The following TICRR variants were observed in gnomAD, a reference collection of about 807,000 sequenced individuals.
TICRR encodes the protein TOPBP1 interacting checkpoint and replication regulator.
Under a neutral mutation model 178.1 loss-of-function variants are expected in TICRR, and 132 were observed. The ratio of observed to expected loss-of-function variants is 0.74; its 90% CI spans 0.64 to 0.86. The LOEUF (loss-of-function observed/expected upper bound fraction) is 0.86. Among genes scored for constraint, TICRR ranks in the 40% least tolerant of loss-of-function variants. The probability of loss-of-function intolerance (pLI) is 0.00; values close to 1 mark genes in which losing one functional copy is unlikely to be tolerated. For missense variants in TICRR, 2,587 were observed against 2,334.3 expected (o/e 1.11, Z -2.23); for synonymous variants, 991 against 900.7 (o/e 1.10, Z -1.79).
intron 15 of TICRR, among the ~76,000 whole-genome samples, chr15:89,613,346 C>G (rs114395491): frequency 3.9e-4 from 59 of 152,310 alleles, no homozygotes; most frequent in African/African-American, 1.4e-3. Context: ...TGGCTTCTTT[C>G]AAGATCTTCT....
intron 20 of TICRR, 62 bp downstream of exon 20, chr15:89,625,848 G>T: frequency 6.4e-7 from 1 of 1,550,836 alleles, no homozygotes; most frequent in East Asian, 2.3e-5. Flanking sequence ...GCTTGACAAG[G>T]AGGCACTTGG....
chr15:89,599,386 A>G lies in TICRR; in HGVS notation c.1963A>G (p.Thr655Ala). 1.9e-6 allele frequency: 3 copies of G among 1,613,926 alleles called. No individual in the cohort carries two copies. The highest frequency in any genetic ancestry group is 2.5e-6 in the Non-Finnish European group (3 of 1,179,908). The change falls in exon 8 of 22, where the codon ACA (threonine) becomes GCA (alanine). Residue 655 changes from threonine to alanine, a missense_variant. Physicochemically the swap from Thr to Ala is moderately conservative, Grantham distance 58 (BLOSUM62 0). Coordinates refer to ENST00000268138, the MANE Select transcript of TICRR (RefSeq NM_152259.4). ...IRENYQKTVA[T>A]GEIMLYACAR... is the part of the protein sequence containing the mutation. ...TGAAAATTACCAAAAGACTGTGGCC[A>G]CAGGAGAAATCATGTTGTATGCATG...
At chr15:89,593,991 A>G (rs1201795066) in intron 5 of TICRR, among the ~76,000 whole-genome samples, 1 of 152,200 alleles carries the variant, frequency 6.6e-6, no homozygotes, top group African/African-American at 2.4e-5. Flanking sequence ...TCAATCCCAA[A>G]TTAGTTTATT....
In TICRR at chr15:89,582,911, G is replaced by A. The variant is rs773820029; in HGVS notation, c.880G>A (p.Glu294Lys). The A allele has an allele frequency of 6.2e-7, 1 of 1,614,008 alleles. No individual in the cohort carries two copies. The highest frequency in any genetic ancestry group is 1.1e-5 in the South Asian group (1 of 91,084). Residue 294 changes from glutamate to lysine, a missense_variant, in exon 2 of 22, where the codon GAG becomes AAG. Glu to Lys is a moderately conservative substitution (Grantham distance 56). Transcript: ENST00000268138. ...AAACCGTTTGCTCTACAATTCTCCT[G>A]AGTATGAGGCCTCGTTTCCACGAAT... ...TLNRLLYNSPEYEASFPRMEG... is the reference protein window; with the variant it reads ...TLNRLLYNSPKYEASFPRMEG...
At chr15:89,598,824 G>A (rs1374940590) in intron 7 of TICRR, among the ~76,000 whole-genome samples, 2 of 151,970 alleles carry the variant, frequency 1.3e-5, no homozygotes, top group African/African-American at 2.4e-5. Context: ...TGGGCAACAT[G>A]GTGAAACCCT....
chr15:89,608,767 G>C, intron 14 of TICRR, 36 bp from the exon 15 acceptor site: 1 of 1,537,354 alleles, frequency 6.5e-7, no homozygotes, highest in Non-Finnish European at 8.7e-7. Flanking sequence ...ATAATCTTTG[G>C]GTTTTTCTTT....
intron 16 of TICRR, 120 bp from the exon 17 acceptor site, chr15:89,618,032 C>T (rs772930605): frequency 1.8e-4 from 185 of 1,003,170 alleles, no homozygotes; most frequent in Non-Finnish European, 2.8e-4. Context: ...CCTTTACCAG[C>T]ACTGGTGTTA....
rs370198423 is a variant in TICRR, at chr15:89,595,373, C to G, written c.1682-20C>G. On this transcript the variant is annotated intron_variant, in intron 6 of 21. Transcript: ENST00000268138. ...AGTGGAAGGCAATTTACTTTCCCTC[C>G]TCTGATGTTGTTTTGGTAGGAGGGG... is the stretch of plus-strand genomic sequence containing the variant. 5 of 1,589,104 alleles carry G rather than the reference C, an allele frequency of 3.1e-6. No individual in the cohort carries two copies. The African/African-American group carries it at 6.7e-5, about 21-fold the overall frequency.
chr15:89,627,017 C>T lies in TICRR; in HGVS notation c.5664C>T (p.Ser1888=), dbSNP rs1454952854. Residue 1888 remains serine (S), a synonymous_variant, in exon 22 of 22, where the codon TCC becomes TCT. Transcript: ENST00000268138. The part of the protein sequence containing the change: ...VEDSPFSRAF[S]RRRPISRTYT... ...ACTCTCCTTTCAGTCGCGCTTTCTC[C>T]AGGAGGCGCCCCATCAGCAGAACTT... is the stretch of plus-strand genomic sequence containing the variant. 6.2e-7 allele frequency: 1 copy of T among 1,614,110 alleles called. No homozygotes were observed. Among genetic ancestry groups the T allele is most frequent in the South Asian group, 1.1e-5 (1 of 91,076 alleles).
At chr15:89,620,470 A>C (rs1935603916) in intron 18 of TICRR, among the ~76,000 whole-genome samples, 1 of 152,042 alleles carries the variant, frequency 6.6e-6, no homozygotes, top group Non-Finnish European at 1.5e-5. Flanking sequence ...GGCCTCCCAA[A>C]GTGCTGGGAT....
chr15:89,626,431 T>G (rs1201323305), intron 21 of TICRR, among the ~76,000 whole-genome samples: 1 of 152,236 alleles, frequency 6.6e-6, no homozygotes, highest in African/African-American at 2.4e-5. Flanking sequence ...CCGCATGTTC[T>G]GTATATTCGG....
Position 89,625,431 on chromosome 15 carries a change from A to G in TICRR, c.5121A>G (p.Ala1707=), listed in dbSNP as rs781049342. 5 of 1,614,006 alleles carry G rather than the reference A, an allele frequency of 3.1e-6. No homozygotes were observed. The highest frequency in any genetic ancestry group is 4.5e-5 in the East Asian group (2 of 44,834). The part of the protein sequence containing the change: ...GSSSGRGEVG[A]DLPGSLSLLE... ...CTTCCGGGAGGGGCGAGGTCGGTGCAGACCTTCCTGGGAGCCTGTCACTGC... is the reference window on the plus strand; with the variant it reads ...CTTCCGGGAGGGGCGAGGTCGGTGCGGACCTTCCTGGGAGCCTGTCACTGC... The change falls in exon 20 of 22, where the codon GCA becomes GCG. Residue 1707 remains alanine, a synonymous_variant. Coordinates refer to ENST00000268138, the MANE Select transcript of TICRR (RefSeq NM_152259.4).
intron 21 of TICRR, among the ~76,000 whole-genome samples, chr15:89,626,278 C>T (rs925542234): frequency 5.1e-4 from 77 of 152,314 alleles, no homozygotes; most frequent in African/African-American, 1.8e-3. Context: ...TGCTAAAATT[C>T]CTCGGTCCTC....
chr15:89,621,597 C>T (rs1419653488), intron 19 of TICRR, 47 bp downstream of exon 19: 1 of 1,513,120 alleles, frequency 6.6e-7, no homozygotes, highest in South Asian at 1.2e-5. Context: ...TCCTGGAACA[C>T]AGAGACATGG....
intron 19 of TICRR, among the ~76,000 whole-genome samples, chr15:89,621,982 C>CTTTTTTTTTTT (rs34123859): frequency 2.3e-5 from 2 of 87,778 alleles, no homozygotes; most frequent in Non-Finnish European, 4.3e-5. Context: ...CAAACTGACT[C>CTTTTTTTTTTT]TTTTTTTTTT....
chr15:89,589,272 G>C (rs1962871266), intron 4 of TICRR, among the ~76,000 whole-genome samples: 1 of 152,162 alleles, frequency 6.6e-6, no homozygotes, highest in Admixed American at 6.5e-5. Flanking sequence ...ATTGATTCCT[G>C]ATGGTTTCAA....
chr15:89,599,189 T>G, intron 7 of TICRR, 135 bp from the exon 8 acceptor site: 170 of 266,546 alleles, frequency 6.4e-4, no homozygotes, highest in East Asian at 2.9e-3. Flanking sequence ...CCCACCACCA[T>G]CAGTCATGAC....
chr15:89,624,226 G>T lies in TICRR; in HGVS notation c.3916G>T (p.Val1306Phe). ...TTCAACTGTGACTTCTTCCCCACCTGTTACGCCAAAGAAACTGTTTACCTC... is the reference window on the plus strand; with the variant it reads ...TTCAACTGTGACTTCTTCCCCACCTTTTACGCCAAAGAAACTGTTTACCTC... ...GNSTVTSSPPVTPKKLFTSPL... is the reference protein window; with the variant it reads ...GNSTVTSSPPFTPKKLFTSPL... The change falls in exon 20 of 22, where the codon GTT (valine) becomes TTT (phenylalanine). Residue 1306 changes from valine (V) to phenylalanine (F), a missense_variant. By Grantham distance (50) the Val-to-Phe change is conservative. Transcript: ENST00000268138. The T allele has an allele frequency of 6.2e-7, 1 of 1,614,114 alleles. No homozygotes were observed. The highest frequency in any genetic ancestry group is 8.5e-7 in the Non-Finnish European group (1 of 1,180,042).
Position 89,602,886 on chromosome 15 carries a change from GA to G in TICRR, c.2664del (p.Glu889ArgfsTer14). ...TTCCTAAAGTGTCAAAGAGAGCTAC[GA>G]AAAAAGTAAGTAAACCTTCCAGCTT... ...EIPKVSKRATKKENSHPAPQQ... is the reference protein window; with the variant it reads ...EIPKVSKRATXKENSHPAPQQ... On this transcript the variant is annotated frameshift_variant, in exon 13 of 22. Coordinates refer to ENST00000268138, the MANE Select transcript of TICRR (RefSeq NM_152259.4). LOFTEE classifies it high-confidence loss of function. 3 of 1,509,358 alleles carry G rather than the reference GA, an allele frequency of 2.0e-6. No homozygotes were observed. The highest frequency in any genetic ancestry group is 2.5e-5 in the East Asian group (1 of 40,290). 93.5% of individuals were successfully genotyped at this position (1,509,358 alleles called of 1,614,324 possible).
Sources: gnomAD v4.1 joint callset for allele counts (sites outside exome capture counted in the v4.1 genomes callset) on GRCh38, gnomAD v4.1.1 for gene constraint, MANE v1.5 for transcripts, NCBI Gene and HGNC (gene_info 2026-07-23, HGNC 2026-07-21) for gene names.